The following VPS54 variants were observed in gnomAD, a reference collection of about 807,000 sequenced individuals.
The protein encoded by VPS54 is VPS54 subunit of GARP complex, also known as vacuolar protein sorting-associated protein 54.
In VPS54, 45 loss-of-function variants were observed where a neutral mutation model predicts 121.5. The observed-to-expected ratio is 0.37, with a 90% CI of 0.29 to 0.47. The LOEUF is 0.47. Among genes scored for constraint, VPS54 ranks in the 20% least tolerant of loss-of-function variants. VPS54 has a pLI of 0.99. For synonymous variants in VPS54, 371 were observed against 385.8 expected (o/e 0.96, Z 0.45); for missense variants, 1,090 against 1,131.4 (o/e 0.96, Z 0.52).
At chr2:63,983,732 G>A (rs553089775) in intron 2 of VPS54, 132 bp downstream of exon 2, 64 of 1,212,842 alleles carry the variant, frequency 5.3e-5, no homozygotes, top group East Asian at 2.0e-4. Context: ...GTGAGCCACC[G>A]TGCCCGGCCC....
intron 1 of VPS54, among the ~76,000 whole-genome samples, chr2:64,006,536 A>G (rs1678164115): frequency 6.6e-6 from 1 of 152,258 alleles, no homozygotes; most frequent in Non-Finnish European, 1.5e-5. Flanking sequence ...GAATGTCATA[A>G]GATTTAAATG....
At chr2:63,957,462 T>A (rs991570035) in intron 7 of VPS54, among the ~76,000 whole-genome samples, 6 of 148,184 alleles carry the variant, frequency 4.0e-5, no homozygotes, top group Admixed American at 2.0e-4. Context: ...AAAAAAAAAA[T>A]TTATGTCCTA....
At chr2:63,973,197 T>C (rs780453648) in intron 3 of VPS54, among the ~76,000 whole-genome samples, 5 of 152,188 alleles carry the variant, frequency 3.3e-5, no homozygotes, top group African/African-American at 7.2e-5. Context: ...ACATTTGGTG[T>C]TGTCAGTGTT....
chr2:64,012,716 T>G (rs7602952), intron 1 of VPS54, among the ~76,000 whole-genome samples: 113,262 of 149,502 alleles, frequency 0.76, 43,585 homozygotes, highest in African/African-American at 0.84. Context: ...GAAAAGAAAA[T>G]TTCAAGCACC....
chr2:63,906,537 A>G (rs1672910051), intron 20 of VPS54, among the ~76,000 whole-genome samples: 1 of 152,230 alleles, frequency 6.6e-6, no homozygotes, highest in African/African-American at 2.4e-5. Context: ...AGATAGGTCC[A>G]GTGGTGTGTG....
At chr2:63,908,681 T>C (rs1673008694) in intron 20 of VPS54, among the ~76,000 whole-genome samples, 1 of 152,124 alleles carries the variant, frequency 6.6e-6, no homozygotes, top group Non-Finnish European at 1.5e-5. Flanking sequence ...TTACCTTTAT[T>C]ATTAGTAACA....
chr2:63,981,633 G>A lies in VPS54; in HGVS notation c.378+13C>T. The A allele has an allele frequency of 6.4e-7, 1 of 1,558,758 alleles. No individual in the cohort carries two copies. Among genetic ancestry groups the A allele is most frequent in the East Asian group, 2.3e-5 (1 of 44,396 alleles). On this transcript the variant is annotated intron_variant, in intron 3 of 22. Coordinates refer to ENST00000272322, the MANE Select transcript of VPS54 (RefSeq NM_016516.3). Reference sequence around the variant, plus strand: ...TTTTGACCTGACTGTAACTAGCCAAGATTAGATATTACCTGAGAGATTTCC... The same window carrying A: ...TTTTGACCTGACTGTAACTAGCCAAAATTAGATATTACCTGAGAGATTTCC...
At chr2:63,927,278 A>G (rs1673952773) in intron 12 of VPS54, among the ~76,000 whole-genome samples, 1 of 152,092 alleles carries the variant, frequency 6.6e-6, no homozygotes, top group Admixed American at 6.5e-5. Context: ...CACCTCATAC[A>G]GGTGGGTGCC....
At chr2:63,970,313 A>ATATATAGATATATATAAATATATAT (rs1312969372) in intron 4 of VPS54, among the ~76,000 whole-genome samples, 1 of 148,292 alleles carries the variant, frequency 6.7e-6, no homozygotes, top group Non-Finnish European at 1.5e-5. Flanking sequence ...AGATATAGAT[A>ATATATAGATATATATAAATATATAT]AAACCCAGGC....
chr2:63,904,206 G>A (rs562430082), intron 20 of VPS54, among the ~76,000 whole-genome samples: 13 of 152,148 alleles, frequency 8.5e-5, no homozygotes, highest in East Asian at 7.7e-4. Flanking sequence ...TTGGAAGGCC[G>A]AGGTGGGCGG....
chr2:63,988,614 C>T (rs13023231), intron 1 of VPS54, among the ~76,000 whole-genome samples: 55,101 of 151,976 alleles, frequency 0.36, 10,576 homozygotes, highest in Non-Finnish European at 0.42. Flanking sequence ...GAAGATTTCA[C>T]GGACATTTAT....
At chr2:63,945,735 G>A (rs1358117260) in intron 9 of VPS54, among the ~76,000 whole-genome samples, 1 of 151,976 alleles carries the variant, frequency 6.6e-6, no homozygotes, top group Non-Finnish European at 1.5e-5. Context: ...CACCAGAAAA[G>A]CAGAACTATA....
intron 1 of VPS54, among the ~76,000 whole-genome samples, chr2:64,000,141 T>C (rs1677802130): frequency 6.6e-6 from 1 of 152,112 alleles, no homozygotes; most frequent in Admixed American, 6.5e-5. Context: ...ATTACAGACA[T>C]AAGCCACCAC....
At chr2:64,006,859 T>C (rs1678181287) in intron 1 of VPS54, among the ~76,000 whole-genome samples, 1 of 152,258 alleles carries the variant, frequency 6.6e-6, no homozygotes, top group Non-Finnish European at 1.5e-5. Context: ...CCTCAGGTGA[T>C]CCACCCGCCT....
At chr2:63,950,199 G>A (rs1364090319) in intron 7 of VPS54, among the ~76,000 whole-genome samples, 3 of 152,136 alleles carry the variant, frequency 2.0e-5, no homozygotes, top group African/African-American at 7.2e-5. Flanking sequence ...GGAATTTATT[G>A]TTTCGGGCTT....
At chr2:63,927,717 G>A (rs902913843) in intron 12 of VPS54, among the ~76,000 whole-genome samples, 6 of 152,176 alleles carry the variant, frequency 3.9e-5, no homozygotes, top group Admixed American at 2.6e-4. Flanking sequence ...ACTTCTCTGA[G>A]CTAAAGGAGC....
At chr2:63,989,398 AACCT>A (rs1677208320) in intron 1 of VPS54, among the ~76,000 whole-genome samples, 1 of 152,154 alleles carries the variant, frequency 6.6e-6, no homozygotes. Context: ...GGCATCATGG[AACCT>A]GCTGACATGT....
intron 5 of VPS54, 152 bp from the exon 6 acceptor site, chr2:63,966,118 T>C (rs982556673): frequency 2.7e-6 from 2 of 748,782 alleles, no homozygotes; most frequent in Non-Finnish European, 4.2e-6. Flanking sequence ...TACACAAATA[T>C]CTATAAGAAA....
chr2:63,967,542 A>C (rs1676056889), intron 5 of VPS54, among the ~76,000 whole-genome samples: 1 of 151,768 alleles, frequency 6.6e-6, no homozygotes, highest in Non-Finnish European at 1.5e-5. Context: ...AACGTGGCAA[A>C]ACCCCGTCTC....
Sources: gnomAD v4.1 joint callset for allele counts (sites outside exome capture counted in the v4.1 genomes callset) on GRCh38, gnomAD v4.1.1 for gene constraint, MANE v1.5 for transcripts, NCBI Gene and HGNC (gene_info 2026-07-23, HGNC 2026-07-21) for gene names.